Variants in AFF3 observed in about 807,000 individuals in gnomAD.
The protein encoded by AFF3 is ALF transcription elongation factor 3.
A neutral mutation model predicts 129.7 loss-of-function variants in AFF3; 32 were observed. The ratio of observed to expected loss-of-function variants is 0.25; its 90% CI spans 0.19 to 0.33. AFF3 has a LOEUF of 0.33. AFF3 is among the 10% of genes least tolerant of loss of function. AFF3 has a pLI of 1.00. For missense variants in AFF3, 1,373 were observed against 1,592.0 expected (o/e 0.86, Z 2.34); for synonymous variants, 644 against 635.4 (o/e 1.01, Z -0.20).
intron 4 of AFF3, among the ~76,000 whole-genome samples, chr2:100,064,029 C>T (rs1687512265): frequency 6.6e-6 from 1 of 151,518 alleles, no homozygotes; most frequent in Non-Finnish European, 1.5e-5. Context: ...GCGGAGGTTG[C>T]AGTGAGCCGA....
At chr2:99,833,312 C>T (rs957149870) in intron 8 of AFF3, among the ~76,000 whole-genome samples, 5 of 152,168 alleles carry the variant, frequency 3.3e-5, no homozygotes, top group Non-Finnish European at 7.3e-5. Flanking sequence ...GTTTGTTCCA[C>T]TATAATGTCA....
chr2:99,989,642 A>G (rs1680162679), intron 7 of AFF3, among the ~76,000 whole-genome samples: 1 of 152,240 alleles, frequency 6.6e-6, no homozygotes, highest in Non-Finnish European at 1.5e-5. Context: ...CAACTAGTTC[A>G]ACAATGATTT....
chr2:99,638,135 A>C (rs1222377077), intron 13 of AFF3, among the ~76,000 whole-genome samples: 1 of 150,812 alleles, frequency 6.6e-6, no homozygotes, highest in Admixed American at 6.6e-5. Flanking sequence ...GTGCAGTGGC[A>C]TGCTCTTGGC....
At chr2:99,592,600 A>T (rs1221049393) in intron 15 of AFF3, among the ~76,000 whole-genome samples, 1 of 152,182 alleles carries the variant, frequency 6.6e-6, no homozygotes, top group Non-Finnish European at 1.5e-5. Context: ...TCCTATTTTG[A>T]CATGCAGTGG....
At chr2:99,758,594 A>G (rs1211486911) in intron 8 of AFF3, among the ~76,000 whole-genome samples, 1 of 151,562 alleles carries the variant, frequency 6.6e-6, no homozygotes, top group African/African-American at 2.4e-5. Context: ...TCAAAAAAAA[A>G]AAAAAAAAAG....
chr2:99,551,693 T>C (rs1674426345), intron 24 of AFF3, 98 bp from the exon 25 acceptor site: 2 of 1,457,838 alleles, frequency 1.4e-6, no homozygotes, highest in South Asian at 1.2e-5. Flanking sequence ...GGTCTCTATA[T>C]AAATCAAGGA....
At chr2:99,604,243 C>G (rs772550063) in intron 13 of AFF3, among the ~76,000 whole-genome samples, 1 of 151,962 alleles carries the variant, frequency 6.6e-6, no homozygotes, top group Non-Finnish European at 1.5e-5. Flanking sequence ...CGATGACAGA[C>G]TGGATAAAGA....
chr2:99,628,478 C>G (rs1682804758), intron 13 of AFF3, among the ~76,000 whole-genome samples: 1 of 152,102 alleles, frequency 6.6e-6, no homozygotes, highest in African/African-American at 2.4e-5. Context: ...TGGGGGTTTT[C>G]TAGATACAGG....
At chr2:99,718,952 G>A (rs969966264) in intron 11 of AFF3, among the ~76,000 whole-genome samples, 8 of 151,306 alleles carry the variant, frequency 5.3e-5, no homozygotes, top group Non-Finnish European at 8.8e-5. Context: ...GGTTTTCACC[G>A]TGTTAAGCCA....
intron 4 of AFF3, among the ~76,000 whole-genome samples, chr2:100,011,245 G>T (rs913690824): frequency 1.3e-5 from 2 of 152,156 alleles, no homozygotes; most frequent in Non-Finnish European, 2.9e-5. Context: ...CTGCACTCCA[G>T]CCTGGGCGAC....
chr2:99,757,962 C>A (rs1330202348), intron 8 of AFF3, among the ~76,000 whole-genome samples: 2 of 152,160 alleles, frequency 1.3e-5, no homozygotes, highest in East Asian at 3.9e-4. Context: ...ATCAGTGCCT[C>A]CCCTCTAACC....
chr2:99,627,184 A>G (rs1303501954), intron 13 of AFF3, among the ~76,000 whole-genome samples: 1 of 152,106 alleles, frequency 6.6e-6, no homozygotes, highest in Non-Finnish European at 1.5e-5. Flanking sequence ...TAAAATTTAC[A>G]TTCCCACCAA....
chr2:99,784,941 G>A (rs1684682980), intron 8 of AFF3, among the ~76,000 whole-genome samples: 2 of 152,136 alleles, frequency 1.3e-5, no homozygotes, highest in African/African-American at 4.8e-5. Flanking sequence ...CTTTGCTACC[G>A]TGGCTGGCGT....
intron 13 of AFF3, among the ~76,000 whole-genome samples, chr2:99,613,735 C>G (rs1464807884): frequency 6.6e-6 from 1 of 152,174 alleles, no homozygotes; most frequent in African/African-American, 2.4e-5. Context: ...CTTGTTTCAG[C>G]TATGTTTACT....
rs564044376 is a variant in AFF3 at position 99,609,628 on chromosome 2, T to A, written c.1185-8007A>T. Among the ~76,000 whole-genome samples the A allele has an allele frequency of 2.0e-5, 3 of 152,362 alleles. No homozygotes were observed. The South Asian group carries it at 6.2e-4, about 32-fold the overall frequency. On this transcript the variant is annotated intron_variant, in intron 13 of 24. Coordinates refer to ENST00000672756, the MANE Select transcript of AFF3 (RefSeq NM_001386135.1). ...ACACCACATTTTCTTTATCCACTTG[T>A]TGATTGATGGATCAGTCCACTTATT...
In AFF3 at chr2:99,696,936, A is replaced by T. The variant is rs1676339935; in HGVS notation, c.1092-24347T>A. Among the ~76,000 whole-genome samples the T allele has an allele frequency of 2.0e-5, 3 of 152,338 alleles. No homozygotes were observed. The South Asian group carries it at 6.2e-4, about 32-fold the overall frequency. ...ACTGAGGTTACAGATGTGAACCAGC[A>T]TGCCTGGCCTGATGAAATTCTTGAT... On this transcript the variant is annotated intron_variant, in intron 11 of 24. Transcript: ENST00000672756.
At chr2:100,032,360 C>T (rs774325720) in intron 4 of AFF3, among the ~76,000 whole-genome samples, 6 of 151,648 alleles carry the variant, frequency 4.0e-5, no homozygotes, top group Non-Finnish European at 7.4e-5. Context: ...ACCCAGGAGG[C>T]GGAGGCTGCA....
At chr2:99,734,928 G>C (rs903270961) in intron 10 of AFF3, among the ~76,000 whole-genome samples, 24 of 152,214 alleles carry the variant, frequency 1.6e-4, no homozygotes, top group African/African-American at 5.8e-4. Flanking sequence ...CTGAAGAAGG[G>C]TGTAGGTTTG....
chr2:99,605,452 C>A (rs1287017743), intron 13 of AFF3, among the ~76,000 whole-genome samples: 1 of 152,188 alleles, frequency 6.6e-6, no homozygotes, highest in Non-Finnish European at 1.5e-5. Flanking sequence ...ATCAAGATCA[C>A]TCTCCCCACT....
Sources: gnomAD v4.1 joint callset for allele counts (sites outside exome capture counted in the v4.1 genomes callset) on GRCh38, gnomAD v4.1.1 for gene constraint, MANE v1.5 for transcripts, NCBI Gene and HGNC (gene_info 2026-07-23, HGNC 2026-07-21) for gene names.